SCAMP1: variants seen among roughly 807,000 people sequenced by gnomAD.
SCAMP1 encodes the protein secretory carrier membrane protein 1, also known as secretory carrier-associated membrane protein 1.
SCAMP1 carries 15 observed loss-of-function variants against 41.8 expected under a neutral mutation model. The observed-to-expected ratio is 0.36, with a 90% CI of 0.24 to 0.55. The LOEUF (loss-of-function observed/expected upper bound fraction) is 0.55. Among genes scored for constraint, SCAMP1 ranks in the 20% least tolerant of loss-of-function variants. The probability of loss-of-function intolerance (pLI) is 0.86; values close to 1 mark genes in which losing one functional copy is unlikely to be tolerated. For synonymous variants in SCAMP1, 135 were observed against 136.8 expected (o/e 0.99, Z 0.09); for missense variants, 341 against 412.6 (o/e 0.83, Z 1.50).
chr5:78,464,470 C>A (rs1468719055), intron 8 of SCAMP1, among the ~76,000 whole-genome samples: 1 of 152,162 alleles, frequency 6.6e-6, no homozygotes, highest in Non-Finnish European at 1.5e-5. Flanking sequence ...TTTTTAGTAT[C>A]TTTTCCATTT....
At position 78,453,446 on chromosome 5, in the gene SCAMP1, C is replaced by G. The variant is rs921485401; in HGVS notation, c.734+3412C>G. ...AGCACCATTTATTAAACAGGGAATC[C>G]TTTCCCCATTGCTTGTTTTTCTCAG... is the stretch of plus-strand genomic sequence containing the variant. On this transcript the variant is annotated intron_variant, in intron 7 of 8. Coordinates refer to ENST00000621999, the MANE Select transcript of SCAMP1 (RefSeq NM_004866.6). 7.2e-5 allele frequency among the ~76,000 whole-genome samples: 11 copies of G among 151,936 alleles called. No homozygotes were observed. In the South Asian group the frequency reaches 1.0e-3, roughly 14 times the overall value.
chr5:78,399,711 A>G (rs1216260734), intron 2 of SCAMP1, among the ~76,000 whole-genome samples: 1 of 152,188 alleles, frequency 6.6e-6, no homozygotes, highest in Non-Finnish European at 1.5e-5. Context: ...ACGGTTCTTT[A>G]TCAGATGAGA....
intron 6 of SCAMP1, among the ~76,000 whole-genome samples, chr5:78,429,089 T>G (rs2112161673): frequency 6.6e-6 from 1 of 152,218 alleles, no homozygotes; most frequent in Non-Finnish European, 1.5e-5. Context: ...CAAATAAAAA[T>G]GTTTGCTTAT....
At chr5:78,456,838 A>T (rs145049232) in intron 7 of SCAMP1, among the ~76,000 whole-genome samples, 49,986 of 69,662 alleles carry the variant, frequency 0.72, 19,362 homozygotes, top group East Asian at 0.89. Flanking sequence ...GACGTAGATT[A>T]GGTCTTTTCA....
intron 1 of SCAMP1, among the ~76,000 whole-genome samples, chr5:78,377,455 G>A (rs1751093976): frequency 6.6e-6 from 1 of 152,144 alleles, no homozygotes. Flanking sequence ...CAGTTAGTCA[G>A]TACCGAGTTG....
intron 1 of SCAMP1, among the ~76,000 whole-genome samples, chr5:78,384,933 C>G (rs748175489): frequency 2.2e-4 from 33 of 151,974 alleles, no homozygotes; most frequent in Non-Finnish European, 4.3e-4. Context: ...ATGTCCTTTC[C>G]TGGTTTTGGT....
chr5:78,369,108 A>ATT (rs34278150), intron 1 of SCAMP1, among the ~76,000 whole-genome samples: 9 of 141,860 alleles, frequency 6.3e-5, no homozygotes, highest in South Asian at 2.3e-4. Flanking sequence ...AGGACACACA[A>ATT]TTTTTTTTTT....
intron 8 of SCAMP1, among the ~76,000 whole-genome samples, chr5:78,473,023 T>A (rs868776765): frequency 4.6e-5 from 7 of 152,246 alleles, no homozygotes; most frequent in Middle Eastern, 3.4e-3. Context: ...TTGAGATAAG[T>A]GTCTGGAACA....
At chr5:78,460,131 A>G (rs1753547448) in intron 8 of SCAMP1, among the ~76,000 whole-genome samples, 2 of 152,156 alleles carry the variant, frequency 1.3e-5, no homozygotes, top group Admixed American at 1.3e-4. Context: ...TATGTATCAC[A>G]TTTTCTTTAT....
At chr5:78,376,311 G>A (rs1049792147) in intron 1 of SCAMP1, among the ~76,000 whole-genome samples, 2 of 152,128 alleles carry the variant, frequency 1.3e-5, no homozygotes, top group African/African-American at 2.4e-5. Context: ...AAAATCTAAT[G>A]TATTTTATAC....
chr5:78,360,640 G>C lies in SCAMP1; in HGVS notation c.-32G>C. The C allele has an allele frequency of 1.3e-6, 2 of 1,595,258 alleles. No homozygotes were observed. Among genetic ancestry groups the C allele is most frequent in the East Asian group, 4.6e-5 (2 of 43,640 alleles). On this transcript the variant is annotated 5_prime_UTR_variant, in exon 1 of 9. Coordinates refer to ENST00000621999, the MANE Select transcript of SCAMP1 (RefSeq NM_004866.6). Reference sequence around the variant, plus strand: ...TCGCCTCGTCTCTCTCTCTGCGCCTGGGTCGGGTGGGTGACGCCGAGAGCC... The same window carrying C: ...TCGCCTCGTCTCTCTCTCTGCGCCTCGGTCGGGTGGGTGACGCCGAGAGCC...
At chr5:78,385,314 T>TA (rs1477729691) in intron 1 of SCAMP1, among the ~76,000 whole-genome samples, 3 of 152,204 alleles carry the variant, frequency 2.0e-5, no homozygotes, top group African/African-American at 7.2e-5. Flanking sequence ...CATTTCTAAT[T>TA]ATGCTTATTT....
intron 6 of SCAMP1, among the ~76,000 whole-genome samples, chr5:78,449,721 G>A (rs1222102002): frequency 1.3e-5 from 2 of 152,114 alleles, no homozygotes; most frequent in East Asian, 1.9e-4. Context: ...TTAGAATAAC[G>A]ATATCTAGTG....
chr5:78,368,717 A>G (rs565755475), intron 1 of SCAMP1, among the ~76,000 whole-genome samples: 17 of 152,310 alleles, frequency 1.1e-4, no homozygotes, highest in African/African-American at 3.1e-4. Context: ...AGTTCTAGGA[A>G]GAACAATTTA....
chr5:78,386,988 T>C (rs537829545), intron 1 of SCAMP1, among the ~76,000 whole-genome samples: 1 of 152,336 alleles, frequency 6.6e-6, no homozygotes, highest in South Asian at 2.1e-4. Context: ...TTCTTGTGTT[T>C]AGATGTCTAG....
chr5:78,465,521 AAAAG>A (rs2112243893), intron 8 of SCAMP1, among the ~76,000 whole-genome samples: 1 of 152,342 alleles, frequency 6.6e-6, no homozygotes, highest in East Asian at 1.9e-4. Context: ...TTTGTTGAAT[AAAAG>A]AAGGAATGGG....
chr5:78,381,672 A>G (rs1008963919), intron 1 of SCAMP1, among the ~76,000 whole-genome samples: 5 of 152,150 alleles, frequency 3.3e-5, no homozygotes, highest in Non-Finnish European at 5.9e-5. Context: ...CCTCTTTCCC[A>G]TTTTACTGTT....
At chr5:78,423,012 GCGCGCACACACACACACACACACACA>G (rs1358798240) in intron 6 of SCAMP1, among the ~76,000 whole-genome samples, 14 of 150,814 alleles carry the variant, frequency 9.3e-5, no homozygotes, top group African/African-American at 3.4e-4. Flanking sequence ...ACACACGCGC[GCGCGCACACACACACACACACACACA>G]CACACACACA....
chr5:78,475,429 G>T, intron 8 of SCAMP1, 75 bp from the exon 9 acceptor site: 1 of 1,105,740 alleles, frequency 9.0e-7, no homozygotes, highest in South Asian at 2.1e-5. Context: ...TTTGATTAAT[G>T]TTGAGATTAA....
Sources: allele counts gnomAD v4.1 joint callset (sites outside exome capture counted in the v4.1 genomes callset), GRCh38; gene constraint gnomAD v4.1.1; transcripts MANE v1.5; gene names NCBI Gene and HGNC (gene_info 2026-07-23, HGNC 2026-07-21).